FADS2: variants seen among roughly 807,000 people sequenced by gnomAD.
FADS2 encodes fatty acid desaturase 2, also known as acyl-CoA 6-desaturase.
Under a neutral mutation model 61.2 loss-of-function variants are expected in FADS2, and 18 were observed. The observed-to-expected ratio is 0.29, with a 90% CI of 0.20 to 0.44. FADS2 has a LOEUF of 0.44. Ranked by LOEUF, FADS2 falls within the 20% of genes least tolerant of loss-of-function variation. The probability of loss-of-function intolerance (pLI) is 1.00; values close to 1 mark genes in which losing one functional copy is unlikely to be tolerated. For synonymous variants in FADS2, 203 were observed against 223.9 expected (o/e 0.91, Z 0.83); for missense variants, 322 against 572.7 (o/e 0.56, Z 4.47).
intron 1 of FADS2, among the ~76,000 whole-genome samples, chr11:61,835,055 CTCCCCA>C (rs1213363969): frequency 6.7e-6 from 1 of 149,014 alleles, no homozygotes; most frequent in East Asian, 2.0e-4. Context: ...TTCTCCCTGC[CTCCCCA>C]GGGACTTCTC....
chr11:61,816,500 C>T lies in FADS2; in HGVS notation c.141+74C>T. 6.3e-7 allele frequency: 1 copy of T among 1,599,618 alleles called. No individual in the cohort carries two copies. Among genetic ancestry groups the T allele is most frequent in the Non-Finnish European group, 8.5e-7 (1 of 1,176,716 alleles). Reference sequence around the variant, plus strand: ...CTCGGAGTGCGTAACTCTGTCTCCCCTGCACTCAGCCTCCGGTCCCGCCCT... The same window carrying T: ...CTCGGAGTGCGTAACTCTGTCTCCCTTGCACTCAGCCTCCGGTCCCGCCCT... On this transcript the variant is annotated intron_variant, in intron 1 of 11. Coordinates refer to the FADS2 transcript ENST00000257261. The surrounding 1 kb of genome is among the most constrained non-coding windows in gnomAD (Gnocchi z 7.0).
Position 61,819,307 on chromosome 11 carries a change from G to C in FADS2, c.141+2881G>C, listed in dbSNP as rs531450700. 2.6e-5 allele frequency among the ~76,000 whole-genome samples: 4 copies of C among 152,254 alleles called. 1 individual carries two copies. Among genetic ancestry groups the C allele is most frequent in the African/African-American group, 9.6e-5 (4 of 41,464 alleles). On this transcript the variant is annotated intron_variant, in intron 1 of 11. Transcript: ENST00000257261. ...AAAATATTTATAGGTCAGGCGGGGTGCCTCACGCCTATAATCCTAGCACTT... is the reference window on the plus strand; with the variant it reads ...AAAATATTTATAGGTCAGGCGGGGTCCCTCACGCCTATAATCCTAGCACTT...
intron 1 of FADS2, among the ~76,000 whole-genome samples, chr11:61,835,806 C>G (rs1288465252): frequency 6.6e-6 from 1 of 152,142 alleles, no homozygotes; most frequent in African/African-American, 2.4e-5. Context: ...GCCACATTTG[C>G]GTTTTTCCTC....
upstream of FADS2, among the ~76,000 whole-genome samples, chr11:61,824,585 A>G (rs1163992229): frequency 6.6e-6 from 1 of 152,118 alleles, no homozygotes; most frequent in African/African-American, 2.4e-5. Flanking sequence ...CAGAGGTCTA[A>G]CATCACATGG....
rs542684955 is a variant in FADS2, at chr11:61,865,573, C to T, written c.1284-65C>T. ...GCCACCTTAATGATGGCCTCCTCAG[C>T]CCTTGCACTCCCTGGGGCCACTCCC... On this transcript the variant is annotated intron_variant, in intron 11 of 11. Transcript: ENST00000278840. The surrounding 1 kb of genome is among the most constrained non-coding windows in gnomAD (Gnocchi z 4.1). 9 of 1,449,622 alleles carry T rather than the reference C, an allele frequency of 6.2e-6. No individual in the cohort carries two copies. The South Asian group carries it at 1.1e-4, about 17-fold the overall frequency. 89.8% of individuals were successfully genotyped at this position (1,449,622 alleles called of 1,614,324 possible).
intron 1 of FADS2, among the ~76,000 whole-genome samples, chr11:61,822,324 C>T (rs1283912649): frequency 6.6e-6 from 1 of 152,160 alleles, no homozygotes; most frequent in East Asian, 1.9e-4. Context: ...TATATTAAAC[C>T]CACTGTTTTA....
chr11:61,845,966 G>A (rs2067255273), intron 4 of FADS2, among the ~76,000 whole-genome samples: 1 of 151,966 alleles, frequency 6.6e-6, no homozygotes, highest in Admixed American at 6.6e-5. Flanking sequence ...TCTCTGGGTT[G>A]GTATCCTCCA....
rs1287251151 is a variant in FADS2 at position 61,816,491 on chromosome 11, C to CT, written c.141+66dup. On this transcript the variant is annotated intron_variant, in intron 1 of 11. Coordinates refer to the FADS2 transcript ENST00000257261. This position sits in a 1 kb window ranked among gnomAD's most constrained non-coding sequence, Gnocchi z 7.0. The stretch of plus-strand genomic sequence containing the variant: ...GGTGTTTGGCTCGGAGTGCGTAACT[C>CT]TGTCTCCCCTGCACTCAGCCTCCGG... The CT allele has an allele frequency of 8.1e-6, 13 of 1,600,228 alleles. No individual in the cohort carries two copies. The highest frequency in any genetic ancestry group is 4.0e-5 in the African/African-American group (3 of 74,846).
chr11:61,823,330 C>T (rs1335666956), upstream of FADS2, among the ~76,000 whole-genome samples: 1 of 152,184 alleles, frequency 6.6e-6, no homozygotes, highest in African/African-American at 2.4e-5. Flanking sequence ...CAACCTGGAC[C>T]TGCTAGTCCA....
Position 61,840,508 on chromosome 11 carries a change from G to T in FADS2, c.493G>T (p.Ala165Ser). The change falls in exon 3 of 12, where the codon GCC (alanine) becomes TCC (serine). Residue 165 changes from alanine to serine, a missense_variant. Ala to Ser is a moderately conservative substitution (Grantham distance 99). This residue lies in a region of FADS2 where 221 missense variants were observed against 427.9 expected (regional missense o/e 0.52). Coordinates refer to ENST00000278840, the MANE Select transcript of FADS2 (RefSeq NM_004265.4). ...GNGWIPTLITAFVLATSQAQA... is the reference protein window; with the variant it reads ...GNGWIPTLITSFVLATSQAQA... The stretch of plus-strand genomic sequence containing the variant: ...TGGCTGGATTCCTACCCTCATCACG[G>T]CCTTTGTCCTTGCTACCTCTCAGGT... 1 of 1,614,122 alleles carries T rather than the reference G, an allele frequency of 6.2e-7. No individual in the cohort carries two copies. The highest frequency in any genetic ancestry group is 2.2e-5 in the East Asian group (1 of 44,884).
rs1441269245 is a variant in FADS2 at position 61,865,803 on chromosome 11, G to A, written c.*114G>A. On this transcript the variant is annotated 3_prime_UTR_variant, in exon 12 of 12. Transcript: ENST00000278840. The surrounding 1 kb of genome is among the most constrained non-coding windows in gnomAD (Gnocchi z 4.1). ...AGAGGCTGGTGTATGCACTGCTCAC[G>A]GACCCCATGTTGGATCTTTCTCCCT... The A allele has an allele frequency of 1.3e-5, 11 of 824,104 alleles. No individual in the cohort carries two copies. The highest frequency in any genetic ancestry group is 2.3e-4 in the Middle Eastern group (1 of 4,314). The allele number at this position is 824,104 out of a possible 1,614,324, so 51.0% of individuals were successfully genotyped here.
At chr11:61,864,957 C>T (rs972367375) in intron 10 of FADS2, among the ~76,000 whole-genome samples, 195 bp from the exon 11 acceptor site, 3 of 152,156 alleles carry the variant, frequency 2.0e-5, no homozygotes, top group Non-Finnish European at 2.9e-5. Context: ...CTCCTGCTCA[C>T]GGAGGGCTGC....
At chr11:61,831,101 GT>G (rs1176739688) in intron 1 of FADS2, among the ~76,000 whole-genome samples, 1 of 151,908 alleles carries the variant, frequency 6.6e-6, no homozygotes, top group Non-Finnish European at 1.5e-5. Context: ...GTTTTGTTTT[GT>G]TTTTTTAAAC....
chr11:61,828,683 C>A lies in FADS2; in HGVS notation c.207+86C>A. ...GCTCCCCGTGGGCCAAACAGACCTC[C>A]GGCGCTGAATGGAGCTTGGGACGTC... On this transcript the variant is annotated intron_variant, in intron 1 of 11. Transcript: ENST00000278840. The surrounding 1 kb of genome is among the most constrained non-coding windows in gnomAD (Gnocchi z 6.4). 2 of 1,241,162 alleles carry A rather than the reference C, an allele frequency of 1.6e-6. No individual in the cohort carries two copies. Among genetic ancestry groups the A allele is most frequent in the South Asian group, 1.4e-5 (1 of 71,930 alleles). 76.9% of individuals were successfully genotyped at this position (1,241,162 alleles called of 1,614,324 possible). A position where few individuals can be genotyped will look rare whatever the true frequency, so the allele number is the denominator to read the frequency against.
upstream of FADS2, among the ~76,000 whole-genome samples, chr11:61,827,023 G>A (rs1283202415): frequency 1.3e-5 from 2 of 152,112 alleles, no homozygotes; most frequent in Non-Finnish European, 2.9e-5. This position sits in a 1 kb window ranked among gnomAD's most constrained non-coding sequence, Gnocchi z 4.5. Context: ...AAATCTGAGG[G>A]CCCTATAACT....
chr11:61,816,568 C>A lies in FADS2; in HGVS notation c.141+142C>A. ...GGCTGCGCTCACCGTGGCATCCTGC[C>A]CGGCGTAGTGGCTGATGACCCGGGA... On this transcript the variant is annotated intron_variant, in intron 1 of 11. Transcript: ENST00000257261. The surrounding 1 kb of genome is among the most constrained non-coding windows in gnomAD (Gnocchi z 7.0). 1 of 1,607,142 alleles carries A rather than the reference C, an allele frequency of 6.2e-7. No individual in the cohort carries two copies. Among genetic ancestry groups the A allele is most frequent in the South Asian group, 1.1e-5 (1 of 90,074 alleles).
chr11:61,862,924 A>G (rs372331179), intron 7 of FADS2, 48 bp from the exon 8 acceptor site: 1 of 1,489,284 alleles, frequency 6.7e-7, no homozygotes, highest in Non-Finnish European at 9.4e-7. Context: ...ACTTGGTGCC[A>G]GGGCAGAGGA....
upstream of FADS2, among the ~76,000 whole-genome samples, chr11:61,826,743 GGA>G (rs1448402172): frequency 1.3e-5 from 2 of 152,106 alleles, no homozygotes. Context: ...AAATGTGATG[GGA>G]GAGGTTGGGG....
chr11:61,859,420 A>G (rs1208752882), intron 7 of FADS2, among the ~76,000 whole-genome samples: 1 of 152,222 alleles, frequency 6.6e-6, no homozygotes, highest in African/African-American at 2.4e-5. Flanking sequence ...TGTGAATTTA[A>G]GAGCAGCCAA....
Sources: allele counts gnomAD v4.1 joint callset (sites outside exome capture counted in the v4.1 genomes callset), GRCh38; gene constraint gnomAD v4.1.1; regional missense constraint gnomAD v4.1.1; non-coding constraint Gnocchi (gnomAD v3.1); transcripts MANE v1.5; gene names NCBI Gene and HGNC (gene_info 2026-07-23, HGNC 2026-07-21).